Variants in HACD3 observed in about 807,000 individuals in gnomAD.
HACD3 encodes very-long-chain (3R)-3-hydroxyacyl-CoA dehydratase 3.
A neutral mutation model predicts 55.2 loss-of-function variants in HACD3; 30 were observed. That is an observed-to-expected ratio of 0.54 (90% CI 0.41 to 0.74). The LOEUF is 0.74. Ranked by LOEUF, HACD3 falls within the 30% of genes least tolerant of loss-of-function variation. The pLI, the probability that HACD3 is intolerant of heterozygous loss-of-function variation, is 0.00. For missense variants in HACD3, 363 were observed against 440.1 expected (o/e 0.82, Z 1.57); for synonymous variants, 141 against 151.7 (o/e 0.93, Z 0.52).
intron 1 of HACD3, among the ~76,000 whole-genome samples, chr15:65,537,518 T>C (rs1315279982): frequency 6.6e-6 from 1 of 151,504 alleles, no homozygotes; most frequent in Non-Finnish European, 1.5e-5. Context: ...CGGCCGGGCA[T>C]GGTGGCTCAT....
chr15:65,562,943 C>T, intron 6 of HACD3, 59 bp downstream of exon 6: 3 of 1,589,916 alleles, frequency 1.9e-6, no homozygotes, highest in East Asian at 4.5e-5. Flanking sequence ...CCAGTATTCA[C>T]CAAAGGGAGC....
Position 65,555,065 on chromosome 15 carries a change from A to G in HACD3, c.204+105A>G, listed in dbSNP as rs573591153. On this transcript the variant is annotated intron_variant, in intron 3 of 10. Transcript: ENST00000261875. Reference sequence around the variant, plus strand: ...TGTGGAGAGAAGAAGATAAAAACCAAAGGGGAATAATAGAGTTCTTTTATT... The same window carrying G: ...TGTGGAGAGAAGAAGATAAAAACCAGAGGGGAATAATAGAGTTCTTTTATT... 1,412 of 893,052 alleles carry G rather than the reference A, an allele frequency of 1.6e-3. 29 individuals carry two copies. The South Asian group carries it at 0.021, about 13-fold the overall frequency. 55.3% of individuals were successfully genotyped at this position (893,052 alleles called of 1,614,324 possible).
intron 10 of HACD3, 68 bp downstream of exon 10, chr15:65,572,434 G>A: frequency 7.0e-7 from 1 of 1,425,628 alleles, no homozygotes; most frequent in East Asian, 2.5e-5. Context: ...AAATCATTCA[G>A]AAATGTAAAA....
intron 2 of HACD3, among the ~76,000 whole-genome samples, 156 bp from the exon 3 acceptor site, chr15:65,554,729 CAT>C (rs2072170760): frequency 6.6e-6 from 1 of 151,970 alleles, no homozygotes; most frequent in African/African-American, 2.4e-5. Flanking sequence ...GAGCCGAGAT[CAT>C]GCCACTGCAC....
chr15:65,532,878 A>G (rs1039715557), intron 1 of HACD3, among the ~76,000 whole-genome samples: 1 of 152,174 alleles, frequency 6.6e-6, no homozygotes, highest in African/African-American at 2.4e-5. Context: ...CCAGCTTTTC[A>G]AGGGCATGCT....
At chr15:65,530,815 C>A in intron 1 of HACD3, 97 bp downstream of exon 1, 4 of 1,201,892 alleles carry the variant, frequency 3.3e-6, no homozygotes, top group Non-Finnish European at 3.4e-6. Flanking sequence ...CGCCGGAGAG[C>A]CTGCAGTGCG....
chr15:65,556,597 G>T, intron 3 of HACD3, 142 bp from the exon 4 acceptor site: 1 of 859,840 alleles, frequency 1.2e-6, no homozygotes, highest in Non-Finnish European at 1.7e-6. Flanking sequence ...TGGTCTAGAT[G>T]TTCCCTTTGC....
intron 10 of HACD3, among the ~76,000 whole-genome samples, chr15:65,573,466 G>C (rs1431876123): frequency 6.6e-6 from 1 of 152,058 alleles, no homozygotes; most frequent in African/African-American, 2.4e-5. Flanking sequence ...AAATTGGCTG[G>C]GCTTGGTGGC....
chr15:65,530,517 A>C lies in HACD3; in HGVS notation c.-115A>C. 1 of 885,178 alleles carries C rather than the reference A, an allele frequency of 1.1e-6. No homozygotes were observed. Among genetic ancestry groups the C allele is most frequent in the Admixed American group, 3.4e-5 (1 of 29,456 alleles). The allele number at this position is 885,178 out of a possible 1,614,324, so 54.8% of individuals were successfully genotyped here. Reference sequence around the variant, plus strand: ...GGGGTATCTCGAGGTGCCGGGTTGCAGGCGCTCAGGAGCGCTAGGGTTTGA... The same window carrying C: ...GGGGTATCTCGAGGTGCCGGGTTGCCGGCGCTCAGGAGCGCTAGGGTTTGA... On this transcript the variant is annotated 5_prime_UTR_variant, in exon 1 of 11. Transcript: ENST00000261875.
chr15:65,543,211 TG>T (rs1323150574), intron 1 of HACD3, among the ~76,000 whole-genome samples: 1 of 152,186 alleles, frequency 6.6e-6, no homozygotes, highest in Non-Finnish European at 1.5e-5. Flanking sequence ...CACAGTACTC[TG>T]GTACTTTAGT....
chr15:65,534,539 TA>T lies in HACD3; in HGVS notation c.87+3824del, dbSNP rs1487391907. The T allele has an allele frequency of 2.0e-5, 3 of 152,258 alleles. No homozygotes were observed. In the East Asian group the frequency reaches 5.8e-4, roughly 29 times the overall value. 9.4% of individuals were successfully genotyped at this position (152,258 alleles called of 1,614,324 possible). ...TGTTTGTCCCGAGAAACATAGTTGTTAAAGCATTGGTTTATTTACAAGGTGC... is the reference window on the plus strand; with the variant it reads ...TGTTTGTCCCGAGAAACATAGTTGTTAAGCATTGGTTTATTTACAAGGTGC... On this transcript the variant is annotated intron_variant, in intron 1 of 10. Coordinates refer to ENST00000261875, the MANE Select transcript of HACD3 (RefSeq NM_016395.4).
At chr15:65,541,269 C>T (rs2072016518) in intron 1 of HACD3, among the ~76,000 whole-genome samples, 1 of 151,720 alleles carries the variant, frequency 6.6e-6, no homozygotes, top group Non-Finnish European at 1.5e-5. Flanking sequence ...TATTTTTTTC[C>T]CTCATGATGA....
chr15:65,539,952 G>A (rs570382591), intron 1 of HACD3, among the ~76,000 whole-genome samples: 3 of 152,304 alleles, frequency 2.0e-5, no homozygotes, highest in Non-Finnish European at 2.9e-5. Flanking sequence ...CAGTGGAAAC[G>A]ACCAACTCCA....
intron 5 of HACD3, among the ~76,000 whole-genome samples, chr15:65,560,651 A>G (rs1010150407): frequency 6.6e-6 from 1 of 152,138 alleles, no homozygotes; most frequent in African/African-American, 2.4e-5. Context: ...AATGGAATAT[A>G]AAATTAGCAA....
At chr15:65,545,746 T>TGC (rs2072070497) in intron 1 of HACD3, among the ~76,000 whole-genome samples, 6 of 151,926 alleles carry the variant, frequency 3.9e-5, no homozygotes, top group Non-Finnish European at 8.8e-5. Flanking sequence ...GAGCCACCCG[T>TGC]GGCCGATTCT....
chr15:65,559,311 T>C (rs551965525), intron 5 of HACD3, among the ~76,000 whole-genome samples: 99 of 152,216 alleles, frequency 6.5e-4, no homozygotes, highest in African/African-American at 2.2e-3. Context: ...GTGGCAAGCA[T>C]TGTGCTGGGC....
At chr15:65,537,513 G>A (rs541152282) in intron 1 of HACD3, among the ~76,000 whole-genome samples, 29 of 151,686 alleles carry the variant, frequency 1.9e-4, no homozygotes, top group African/African-American at 6.5e-4. Context: ...TAAATCGGCC[G>A]GGCATGGTGG....
rs1192601867 is a variant in HACD3 at position 65,549,427 on chromosome 15, A to G, written c.88-2249A>G. ...ATGGTGTAATCCCATCTCTGCTGGG[A>G]AAAAAAAAAAAAAAAAAAAAAAATT... On this transcript the variant is annotated intron_variant, in intron 1 of 10. Coordinates refer to ENST00000261875, the MANE Select transcript of HACD3 (RefSeq NM_016395.4). Among the ~76,000 whole-genome samples the G allele has an allele frequency of 0.01, 124 of 11,886 alleles. No homozygotes were observed. In the Middle Eastern group the frequency reaches 0.21, roughly 21 times the overall value. 7.8% of individuals were successfully genotyped at this position (11,886 alleles called of 152,430 possible).
chr15:65,530,837 G>C, intron 1 of HACD3, 119 bp downstream of exon 1: 2 of 996,428 alleles, frequency 2.0e-6, no homozygotes, highest in Non-Finnish European at 2.8e-6. Flanking sequence ...CAACAAGGTC[G>C]GCGACGCGGT....
Sources: gnomAD v4.1 joint callset for allele counts (sites outside exome capture counted in the v4.1 genomes callset) on GRCh38, gnomAD v4.1.1 for gene constraint, MANE v1.5 for transcripts, NCBI Gene and HGNC (gene_info 2026-07-23, HGNC 2026-07-21) for gene names.